The following ST18 variants were observed in gnomAD, a reference collection of about 807,000 sequenced individuals.
ST18 encodes the protein suppression of tumorigenicity 18 protein.
ST18 carries 50 observed loss-of-function variants against 110.0 expected under a neutral mutation model. The ratio of observed to expected loss-of-function variants is 0.45; its 90% CI spans 0.36 to 0.58. ST18 has a LOEUF of 0.58. Ranked by LOEUF, ST18 falls within the 20% of genes least tolerant of loss-of-function variation. ST18 has a pLI of 0.00. For missense variants in ST18, 1,306 were observed against 1,280.1 expected (o/e 1.02, Z -0.31); for synonymous variants, 461 against 452.4 (o/e 1.02, Z -0.24).
At chr8:52,148,786 A>T (rs1022964345) in intron 16 of ST18, among the ~76,000 whole-genome samples, 3 of 152,132 alleles carry the variant, frequency 2.0e-5, no homozygotes, top group Non-Finnish European at 2.9e-5. Flanking sequence ...AAAACTGTGT[A>T]CGTTGACTTA....
intron 16 of ST18, among the ~76,000 whole-genome samples, chr8:52,148,878 G>T (rs1324585478): frequency 2.0e-5 from 3 of 152,120 alleles, no homozygotes; most frequent in Admixed American, 2.0e-4. Context: ...GCTGTAAAAG[G>T]CGCTGCACAC....
intron 2 of ST18, among the ~76,000 whole-genome samples, chr8:52,330,529 T>C (rs1808758761): frequency 6.8e-6 from 1 of 147,968 alleles, no homozygotes; most frequent in South Asian, 2.1e-4. Context: ...AAATAAATGG[T>C]GGGCCCAGGA....
chr8:52,357,794 T>G (rs903468371), intron 2 of ST18, among the ~76,000 whole-genome samples: 1 of 146,212 alleles, frequency 6.8e-6, no homozygotes, highest in Non-Finnish European at 1.5e-5. Context: ...TCCCCACTTA[T>G]GTTAATGAAT....
intron 2 of ST18, among the ~76,000 whole-genome samples, chr8:52,370,708 C>T (rs985883008): frequency 1.3e-5 from 2 of 152,164 alleles, no homozygotes; most frequent in African/African-American, 4.8e-5. Flanking sequence ...CCTTGCACTT[C>T]TGACTCTGTA....
rs531179996 is a variant in ST18, at chr8:52,334,563, A to G, written c.-465+74765T>C. On this transcript the variant is annotated intron_variant, in intron 2 of 25. Coordinates refer to ENST00000689386, the MANE Select transcript of ST18 (RefSeq NM_001352837.2). ...GTTTTCTTTTTGTGGTATACAGGAC[A>G]TTCTTGTAGGAAAATATCTGCCTCA... 4.3e-4 allele frequency among the ~76,000 whole-genome samples: 65 copies of G among 152,324 alleles called. 2 individuals carry two copies. In the South Asian group the frequency reaches 0.013, roughly 31 times the overall value.
intron 6 of ST18, among the ~76,000 whole-genome samples, chr8:52,217,323 A>G (rs2084705280): frequency 6.6e-6 from 1 of 152,188 alleles, no homozygotes; most frequent in Non-Finnish European, 1.5e-5. Context: ...TCTCGATAGG[A>G]GTAAGAACAG....
intron 2 of ST18, among the ~76,000 whole-genome samples, chr8:52,384,042 T>G (rs1320853171): frequency 1.3e-5 from 2 of 152,212 alleles, no homozygotes; most frequent in African/African-American, 4.8e-5. Flanking sequence ...CCAAAAGAAA[T>G]GCACCTCTAT....
chr8:52,303,955 T>C (rs2095771978), intron 2 of ST18, among the ~76,000 whole-genome samples: 1 of 152,228 alleles, frequency 6.6e-6, no homozygotes, highest in African/African-American at 2.4e-5. Flanking sequence ...TAATTTACTA[T>C]ATTGTGATTA....
At chr8:52,322,036 G>T (rs1804173237) in intron 2 of ST18, among the ~76,000 whole-genome samples, 1 of 152,222 alleles carries the variant, frequency 6.6e-6, no homozygotes, top group African/African-American at 2.4e-5. Context: ...GTGACTGTGG[G>T]AGCAACCATT....
intron 2 of ST18, among the ~76,000 whole-genome samples, chr8:52,267,757 A>G (rs949445948): frequency 3.9e-5 from 6 of 152,200 alleles, no homozygotes; most frequent in Non-Finnish European, 7.3e-5. Flanking sequence ...TTCTCTCAAC[A>G]CACTTCACCT....
intron 23 of ST18, among the ~76,000 whole-genome samples, chr8:52,120,233 A>C (rs995636371): frequency 6.6e-6 from 1 of 152,218 alleles, no homozygotes; most frequent in Admixed American, 6.5e-5. Context: ...TGAAACAGGT[A>C]TTTGGAGTGC....
intron 2 of ST18, among the ~76,000 whole-genome samples, chr8:52,402,721 G>A (rs2141115592): frequency 6.6e-6 from 1 of 152,292 alleles, no homozygotes; most frequent in Admixed American, 6.5e-5. Context: ...CAAGAACAGT[G>A]GAGCACAGTT....
intron 25 of ST18, 62 bp downstream of exon 25, chr8:52,116,213 A>C: frequency 3.2e-6 from 5 of 1,567,348 alleles, no homozygotes; most frequent in Non-Finnish European, 4.3e-6. Flanking sequence ...CCCCGTGGGT[A>C]GATGCATGAT....
intron 2 of ST18, among the ~76,000 whole-genome samples, chr8:52,337,565 T>G (rs1812716218): frequency 6.6e-6 from 1 of 152,246 alleles, no homozygotes; most frequent in African/African-American, 2.4e-5. Flanking sequence ...TTCAATTACT[T>G]AGTCTCTCCC....
chr8:52,119,107 C>CCTGTTCT (rs1300490627), intron 23 of ST18, among the ~76,000 whole-genome samples: 1 of 152,128 alleles, frequency 6.6e-6, no homozygotes, highest in Non-Finnish European at 1.5e-5. Context: ...GAGTTTGACT[C>CCTGTTCT]CTGTTCTGCA....
At chr8:52,359,239 C>T (rs1447211998) in intron 2 of ST18, among the ~76,000 whole-genome samples, 1 of 152,002 alleles carries the variant, frequency 6.6e-6, no homozygotes, top group East Asian at 1.9e-4. Flanking sequence ...ACTGCCTCCA[C>T]GTGGTAAAAG....
chr8:52,340,703 G>A (rs894995766), intron 2 of ST18, among the ~76,000 whole-genome samples: 4 of 152,102 alleles, frequency 2.6e-5, no homozygotes, highest in African/African-American at 9.7e-5. Context: ...TAGAAAACAC[G>A]AGCTACTTTC....
At chr8:52,160,803 A>T (rs1401239345) in intron 14 of ST18, among the ~76,000 whole-genome samples, 1 of 152,226 alleles carries the variant, frequency 6.6e-6, no homozygotes, top group African/African-American at 2.4e-5. Context: ...ATGTATTTTA[A>T]GTGTTTCCAT....
intron 2 of ST18, among the ~76,000 whole-genome samples, chr8:52,365,559 T>C (rs1827530562): frequency 7.4e-6 from 1 of 135,872 alleles, no homozygotes; most frequent in Non-Finnish European, 1.5e-5. Flanking sequence ...TGGTAACTTT[T>C]CTCAGAGCAA....
Sources: allele counts gnomAD v4.1 joint callset (sites outside exome capture counted in the v4.1 genomes callset), GRCh38; gene constraint gnomAD v4.1.1; transcripts MANE v1.5; gene names NCBI Gene and HGNC (gene_info 2026-07-23, HGNC 2026-07-21).